Variants in NEBL observed in about 807,000 individuals in gnomAD.
NEBL encodes the protein nebulette.
A neutral mutation model predicts 140.2 loss-of-function variants in NEBL; 122 were observed. That is an observed-to-expected ratio of 0.87 (90% CI 0.75 to 1.01). NEBL has a LOEUF of 1.01. NEBL is among the 50% of genes least tolerant of loss of function. The pLI, the probability that NEBL is intolerant of heterozygous loss-of-function variation, is 0.00. For synonymous variants in NEBL, 436 were observed against 398.9 expected, an observed-to-expected ratio of 1.09 and a Z score of -1.11; for missense variants, 1,365 against 1,231.3, an observed-to-expected ratio of 1.11 and a Z score of -1.62.
At chr10:20,857,763 C>T (rs1292782944) in intron 9 of NEBL, among the ~76,000 whole-genome samples, 1 of 152,108 alleles carries the variant, frequency 6.6e-6, no homozygotes, top group Non-Finnish European at 1.5e-5. Flanking sequence ...GAAACCATGA[C>T]AAGACTAAAA....
chr10:21,039,482 T>A (rs1366728553), intron 2 of NEBL, among the ~76,000 whole-genome samples: 5 of 152,218 alleles, frequency 3.3e-5, no homozygotes, highest in Admixed American at 3.3e-4. Context: ...AAACAAGGAA[T>A]CCTTTCCCCT....
chr10:20,870,714 T>A (rs542164861), intron 5 of NEBL, among the ~76,000 whole-genome samples: 1 of 152,204 alleles, frequency 6.6e-6, no homozygotes, highest in Non-Finnish European at 1.5e-5. Flanking sequence ...CCAATAAATA[T>A]CATTGGAATG....
Position 20,999,032 on chromosome 10 carries a change from C to CA in NEBL, c.249+21084dup, listed in dbSNP as rs752083740. On this transcript the variant is annotated intron_variant, in intron 3 of 6. Transcript: ENST00000417816. ...GTCAGAGCCAGTAAAGAAGTCCAAG[C>CA]AAACAATAATTCATTCCCTTTCCCA... 3.3e-5 allele frequency among the ~76,000 whole-genome samples: 5 copies of CA among 152,178 alleles called. No individual in the cohort carries two copies. The East Asian group carries it at 9.7e-4, about 30-fold the overall frequency.
At chr10:20,942,453 G>A (rs1417039015) in intron 4 of NEBL, among the ~76,000 whole-genome samples, 3 of 152,150 alleles carry the variant, frequency 2.0e-5, no homozygotes, top group Admixed American at 6.5e-5. Flanking sequence ...ATGGATTAAA[G>A]ACTTAAATGT....
At chr10:21,244,798 T>A (rs1181244145) in intron 3 of NEBL, among the ~76,000 whole-genome samples, 1 of 135,092 alleles carries the variant, frequency 7.4e-6, no homozygotes, top group Non-Finnish European at 1.6e-5. Context: ...ATCACTTGAG[T>A]TTAGAAGTTC....
intron 5 of NEBL, among the ~76,000 whole-genome samples, chr10:20,879,289 C>T (rs1845798299): frequency 2.0e-5 from 3 of 152,112 alleles, no homozygotes; most frequent in South Asian, 2.1e-4. Context: ...TCATGAGAAT[C>T]GGAAATGATC....
chr10:20,788,627 G>T (rs1167471213), intron 26 of NEBL, among the ~76,000 whole-genome samples: 1 of 152,024 alleles, frequency 6.6e-6, no homozygotes, highest in Non-Finnish European at 1.5e-5. Flanking sequence ...TTAATGTCCA[G>T]ATAGGGGACC....
At chr10:20,887,208 C>T (rs998588822) in intron 4 of NEBL, among the ~76,000 whole-genome samples, 3 of 145,790 alleles carry the variant, frequency 2.1e-5, no homozygotes, top group Non-Finnish European at 3.1e-5. Context: ...ACTCCTAAAC[C>T]CTTCTGGATT....
chr10:20,893,224 C>T (rs577566193), intron 2 of NEBL, among the ~76,000 whole-genome samples: 147 of 152,098 alleles, frequency 9.7e-4, no homozygotes, highest in Admixed American at 1.5e-3. Flanking sequence ...TATGACTCCC[C>T]ATCAGAAGAC....
At chr10:21,291,893 A>C (rs1203849766) in intron 1 of NEBL, among the ~76,000 whole-genome samples, 1 of 152,208 alleles carries the variant, frequency 6.6e-6, no homozygotes, top group Non-Finnish European at 1.5e-5. Flanking sequence ...GAACAGTGCG[A>C]GATTCCGTCT....
chr10:20,874,695 G>A (rs554587864), intron 5 of NEBL, among the ~76,000 whole-genome samples: 161 of 152,162 alleles, frequency 1.1e-3, no homozygotes, highest in African/African-American at 3.7e-3. Flanking sequence ...ATAGATTTCC[G>A]TCACGAAATC....
In NEBL at chr10:20,842,951, G is replaced by C. The variant is rs139670621; in HGVS notation, c.1228-2102C>G. On this transcript the variant is annotated intron_variant, in intron 12 of 27. Coordinates refer to ENST00000377122, the MANE Select transcript of NEBL (RefSeq NM_006393.3). The stretch of plus-strand genomic sequence containing the variant: ...TATTTTAGATTCCACATAAAAGTGA[G>C]AATATGCAGGATTTGTCTTTCAGTG... 1.7e-4 allele frequency among the ~76,000 whole-genome samples: 26 copies of C among 152,110 alleles called. 1 individual carries two copies. The highest frequency in any genetic ancestry group is 6.0e-4 in the African/African-American group (25 of 41,512).
chr10:21,065,801 T>C (rs1835508922), intron 2 of NEBL, among the ~76,000 whole-genome samples: 1 of 152,170 alleles, frequency 6.6e-6, no homozygotes, highest in African/African-American at 2.4e-5. Flanking sequence ...CCTGCAACCC[T>C]ATCACTCCAT....
chr10:20,803,802 C>T (rs1837349739), intron 26 of NEBL, among the ~76,000 whole-genome samples: 1 of 133,286 alleles, frequency 7.5e-6, no homozygotes, highest in Non-Finnish European at 1.6e-5. Context: ...TTCTTTCCTT[C>T]TGTACGAAAA....
At chr10:20,868,188 T>C (rs1844515080) in intron 7 of NEBL, 1 of 153,728 alleles carries the variant, frequency 6.5e-6, no homozygotes. Flanking sequence ...TCAGATCTTA[T>C]TTTATGCTCT....
intron 4 of NEBL, among the ~76,000 whole-genome samples, chr10:20,917,550 T>C (rs4575164): frequency 0.088 from 13,412 of 152,228 alleles, 786 homozygotes; most frequent in East Asian, 0.15. Context: ...CACATTACTA[T>C]GCATCACGTA....
rs1283951429 is a variant in NEBL at position 21,214,048 on chromosome 10, TACAG to T, written n.348+33869_348+33872del. On this transcript the variant is annotated intron_variant and non_coding_transcript_variant, in intron 3 of 8. Coordinates refer to the NEBL transcript ENST00000675702. ...AGTTTTGTGTCTTGAATGATGATAA[TACAG>T]ACAGATAATTAAATCTTAACTTCTG... 4.2e-4 allele frequency among the ~76,000 whole-genome samples: 64 copies of T among 152,234 alleles called. 1 individual carries two copies. The highest frequency in any genetic ancestry group is 3.9e-3 in the Admixed American group (59 of 15,290).
At chr10:20,992,923 G>A (rs908466043) in intron 3 of NEBL, among the ~76,000 whole-genome samples, 6 of 151,234 alleles carry the variant, frequency 4.0e-5, no homozygotes, top group African/African-American at 7.3e-5. Flanking sequence ...GACTACAGGC[G>A]CCCGCCACCA....
At chr10:20,875,514 G>A (rs911321517) in intron 5 of NEBL, among the ~76,000 whole-genome samples, 1 of 152,222 alleles carries the variant, frequency 6.6e-6, no homozygotes, top group African/African-American at 2.4e-5. Flanking sequence ...AGACACATGT[G>A]CAGCTGGAGG....
Sources: allele counts gnomAD v4.1 joint callset (sites outside exome capture counted in the v4.1 genomes callset), GRCh38; gene constraint gnomAD v4.1.1; transcripts MANE v1.5; gene names NCBI Gene and HGNC (gene_info 2026-07-23, HGNC 2026-07-21).